The following SLC1A4 variants were observed in gnomAD, a reference collection of about 807,000 sequenced individuals.
The protein encoded by SLC1A4 is solute carrier family 1 member 4.
A neutral mutation model predicts 37.7 loss-of-function variants in SLC1A4; 19 were observed. The observed-to-expected ratio is 0.50, with a 90% CI of 0.35 to 0.74. The LOEUF (loss-of-function observed/expected upper bound fraction) is 0.74. Among genes scored for constraint, SLC1A4 ranks in the 30% least tolerant of loss-of-function variants. The pLI, the probability that SLC1A4 is intolerant of heterozygous loss-of-function variation, is 0.01. For missense variants in SLC1A4, 570 were observed against 712.9 expected (o/e 0.80, Z 2.28); for synonymous variants, 299 against 309.8 (o/e 0.97, Z 0.37).
At chr2:65,013,325 C>T (rs1321901148) in intron 4 of SLC1A4, among the ~76,000 whole-genome samples, 6 of 152,198 alleles carry the variant, frequency 3.9e-5, no homozygotes, top group Admixed American at 1.3e-4. Flanking sequence ...CAGGTTCAAG[C>T]GATTCTCCTG....
Position 65,006,923 on chromosome 2 carries a change from G to T in SLC1A4, c.633+2908G>T, listed in dbSNP as rs552861099. Among the ~76,000 whole-genome samples, 68 of 152,306 alleles carry T rather than the reference G, an allele frequency of 4.5e-4. No homozygotes were observed. In the Middle Eastern group the frequency reaches 0.014, roughly 30 times the overall value. ...CAGAGGGAGACTTTGTCTCTAAAAA[G>T]AATTAAATCAATCAAGGACCCAGAG... On this transcript the variant is annotated intron_variant, in intron 3 of 7. Transcript: ENST00000234256.
chr2:64,989,668 G>A lies in SLC1A4; in HGVS notation c.25G>A (p.Gly9Ser). The stretch of plus-strand genomic sequence containing the variant: ...CATGGAGAAGAGCAACGAGACCAAC[G>A]GCTACCTTGACAGCGCTCAGGCGGG... MEKSNETN[G>S]YLDSAQAGPA... is the part of the protein sequence containing the mutation. The change falls in exon 1 of 8, where the codon GGC becomes AGC. Residue 9 changes from glycine to serine, a missense_variant. Coordinates refer to ENST00000234256, the MANE Select transcript of SLC1A4 (RefSeq NM_003038.5). The A allele has an allele frequency of 6.5e-7, 1 of 1,540,588 alleles. No individual in the cohort carries two copies. The highest frequency in any genetic ancestry group is 8.7e-7 in the Non-Finnish European group (1 of 1,150,242).
intron 1 of SLC1A4, among the ~76,000 whole-genome samples, chr2:64,993,775 T>C (rs7585341): frequency 0.15 from 23,162 of 152,162 alleles, 1,770 homozygotes; most frequent in East Asian, 0.22. Context: ...CTCATCTTTA[T>C]TATGGGAATC....
rs1674454097 is a variant in SLC1A4, at chr2:65,022,188, C to T, written c.*1042C>T. 1 of 152,272 alleles carries T rather than the reference C, an allele frequency of 6.6e-6. No individual in the cohort carries two copies. Among genetic ancestry groups the T allele is most frequent in the Admixed American group, 6.5e-5 (1 of 15,290 alleles). 9.4% of individuals were successfully genotyped at this position (152,272 alleles called of 1,614,324 possible). ...ACCATGTACTAATTGGAGTGGGGTA[C>T]CCCCATTCACAGGTTCCCAGGTCCC... On this transcript the variant is annotated 3_prime_UTR_variant, in exon 8 of 8. Coordinates refer to ENST00000234256, the MANE Select transcript of SLC1A4 (RefSeq NM_003038.5).
intron 1 of SLC1A4, chr2:64,999,457 T>C (rs1006478358): frequency 6.6e-6 from 1 of 152,242 alleles, no homozygotes; most frequent in African/African-American, 2.4e-5. Flanking sequence ...GATACATTGC[T>C]GCATAACAAA....
Position 65,021,447 on chromosome 2 carries a change from C to T in SLC1A4, c.*301C>T, listed in dbSNP as rs1426106836. On this transcript the variant is annotated 3_prime_UTR_variant, in exon 8 of 8. Coordinates refer to ENST00000234256, the MANE Select transcript of SLC1A4 (RefSeq NM_003038.5). ...GCTGCCAGGCTCAAGAAATCATGGA[C>T]TCACAGGGTCCTGTGTGGTTACATC... 2.4e-6 allele frequency: 1 copy of T among 417,740 alleles called. No homozygotes were observed. The highest frequency in any genetic ancestry group is 2.0e-5 in the African/African-American group (1 of 50,026). 25.9% of individuals were successfully genotyped at this position (417,740 alleles called of 1,614,324 possible).
chr2:64,992,464 G>A (rs1673094120), intron 1 of SLC1A4, among the ~76,000 whole-genome samples: 1 of 152,158 alleles, frequency 6.6e-6, no homozygotes, highest in South Asian at 2.1e-4. Context: ...GCTTTGTTGT[G>A]GCTTGCTGGG....
chr2:65,015,902 C>T (rs1344753968), intron 4 of SLC1A4, among the ~76,000 whole-genome samples: 1 of 152,220 alleles, frequency 6.6e-6, no homozygotes, highest in Non-Finnish European at 1.5e-5. Context: ...ACGCTCCAGG[C>T]GTGTTCCCAG....
intron 1 of SLC1A4, among the ~76,000 whole-genome samples, chr2:64,997,333 G>A (rs1466262118): frequency 3.3e-5 from 5 of 152,050 alleles, no homozygotes; most frequent in African/African-American, 1.2e-4. Context: ...CAATTTCAAG[G>A]TAGGATTTAT....
chr2:64,994,759 C>A (rs1673187410), intron 1 of SLC1A4: 1 of 151,058 alleles, frequency 6.6e-6, no homozygotes, highest in African/African-American at 2.4e-5. Flanking sequence ...CTTGCCTTGG[C>A]AGCACATATA....
intron 3 of SLC1A4, among the ~76,000 whole-genome samples, chr2:65,005,666 A>G (rs1039827860): frequency 6.6e-5 from 10 of 151,384 alleles, no homozygotes; most frequent in Non-Finnish European, 8.8e-5. Flanking sequence ...TGGTCTTCCA[A>G]GGTTGATCAA....
intron 1 of SLC1A4, among the ~76,000 whole-genome samples, chr2:64,997,884 T>G (rs1410673536): frequency 6.6e-6 from 1 of 151,554 alleles, no homozygotes; most frequent in East Asian, 1.9e-4. Context: ...GGCAGATCAC[T>G]TGAGGTCAGG....
intron 2 of SLC1A4, 78 bp downstream of exon 2, chr2:65,001,568 G>A (rs555955993): frequency 1.1e-5 from 15 of 1,328,408 alleles, no homozygotes; most frequent in East Asian, 9.4e-5. Context: ...AGTTAGGTAA[G>A]GTAGAACAGG....
At chr2:64,997,646 G>C (rs955622143) in intron 1 of SLC1A4, among the ~76,000 whole-genome samples, 2 of 152,144 alleles carry the variant, frequency 1.3e-5, no homozygotes, top group Admixed American at 6.5e-5. Flanking sequence ...ATATCACTTG[G>C]CTCCTTTTTA....
At chr2:64,996,994 T>C (rs1673281475) in intron 1 of SLC1A4, among the ~76,000 whole-genome samples, 1 of 152,166 alleles carries the variant, frequency 6.6e-6, no homozygotes, top group South Asian at 2.1e-4. Context: ...CCGCAGCATC[T>C]GTGTCTGAAA....
intron 1 of SLC1A4, 66 bp downstream of exon 1, chr2:64,990,236 T>A (rs772416082): frequency 8.7e-6 from 12 of 1,378,328 alleles, no homozygotes; most frequent in Non-Finnish European, 1.1e-5. Flanking sequence ...CTCCAGTTCA[T>A]ACACCCATAT....
Position 65,023,809 on chromosome 2 carries a change from C to A in SLC1A4, c.*2663C>A, listed in dbSNP as rs973378266. 1 of 152,660 alleles carries A rather than the reference C, an allele frequency of 6.6e-6. No individual in the cohort carries two copies. Among genetic ancestry groups the A allele is most frequent in the Non-Finnish European group, 1.5e-5 (1 of 68,046 alleles). 9.5% of individuals were successfully genotyped at this position (152,660 alleles called of 1,614,324 possible). On this transcript the variant is annotated 3_prime_UTR_variant, in exon 8 of 8. Coordinates refer to ENST00000234256, the MANE Select transcript of SLC1A4 (RefSeq NM_003038.5). ...TCATCTGACTGTTTTGTACATGTGA[C>A]AATTGCCTTAAAACCTAGCACAGTC...
At chr2:65,013,270 T>G (rs1466850351) in intron 4 of SLC1A4, among the ~76,000 whole-genome samples, 2 of 152,224 alleles carry the variant, frequency 1.3e-5, no homozygotes, top group African/African-American at 4.8e-5. Context: ...TTGCCCAGGC[T>G]GCAGTGCAGT....
chr2:65,014,501 G>C (rs1041060094), intron 4 of SLC1A4, among the ~76,000 whole-genome samples: 1 of 152,110 alleles, frequency 6.6e-6, no homozygotes, highest in East Asian at 1.9e-4. Context: ...CATGACTGTA[G>C]GATGTTTAGC....
Sources: gnomAD v4.1 joint callset for allele counts (sites outside exome capture counted in the v4.1 genomes callset) on GRCh38, gnomAD v4.1.1 for gene constraint, MANE v1.5 for transcripts, NCBI Gene and HGNC (gene_info 2026-07-23, HGNC 2026-07-21) for gene names.